The following TENM3 variants were observed in gnomAD, a reference collection of about 807,000 sequenced individuals.
The protein encoded by TENM3 is teneurin transmembrane protein 3.
In TENM3, 63 loss-of-function variants were observed where a neutral mutation model predicts 255.1. The ratio of observed to expected loss-of-function variants is 0.25; its 90% CI spans 0.20 to 0.30. The LOEUF (loss-of-function observed/expected upper bound fraction) is 0.30. Among genes scored for constraint, TENM3 ranks in the 10% least tolerant of loss-of-function variants. The probability of loss-of-function intolerance (pLI) is 1.00; values close to 1 mark genes in which losing one functional copy is unlikely to be tolerated. For synonymous variants in TENM3, 1,306 were observed against 1,322.3 expected (o/e 0.99, Z 0.27); for missense variants, 2,929 against 3,461.1 (o/e 0.85, Z 3.86).
At chr4:181,478,985 C>T in the TENM3 span, among the ~76,000 whole-genome samples, 3,983 of 152,272 alleles carry the variant, frequency 0.026, 165 homozygotes, top group African/African-American at 0.091. Context: ...AAGTTTTTCT[C>T]TTCTAGATTT....
At chr4:182,425,108 G>GA (rs939452599) in intron 3 of TENM3, among the ~76,000 whole-genome samples, 2 of 152,202 alleles carry the variant, frequency 1.3e-5, no homozygotes, top group South Asian at 2.1e-4. Flanking sequence ...ATAGTCCAAG[G>GA]AAAAAACTAT....
the TENM3 span, among the ~76,000 whole-genome samples, chr4:181,744,693 A>G: frequency 6.6e-6 from 1 of 152,204 alleles, no homozygotes; most frequent in Admixed American, 6.6e-5. Flanking sequence ...TGGTAGAGGA[A>G]GAACTGGTCC....
At chr4:182,780,213 A>G (rs1394079953) in intron 24 of TENM3, among the ~76,000 whole-genome samples, 3 of 150,964 alleles carry the variant, frequency 2.0e-5, no homozygotes, top group Non-Finnish European at 4.4e-5. Flanking sequence ...TCTTTAATCC[A>G]TCTTGAATTG....
At chr4:181,818,277 A>G in the TENM3 span, among the ~76,000 whole-genome samples, 1 of 152,190 alleles carries the variant, frequency 6.6e-6, no homozygotes, top group African/African-American at 2.4e-5. Context: ...GTTAACTTGA[A>G]GTACGGGAGA....
chr4:181,787,733 C>T, the TENM3 span, among the ~76,000 whole-genome samples: 1 of 152,120 alleles, frequency 6.6e-6, no homozygotes, highest in Non-Finnish European at 1.5e-5. Context: ...TCTGAATCCA[C>T]CTATTACCTA....
chr4:181,631,966 A>C, the TENM3 span, among the ~76,000 whole-genome samples: 1 of 152,194 alleles, frequency 6.6e-6, no homozygotes, highest in Non-Finnish European at 1.5e-5. Context: ...ATTAGAGCAC[A>C]AAAAATGCCA....
the TENM3 span, among the ~76,000 whole-genome samples, chr4:181,944,221 G>A: frequency 6.6e-6 from 1 of 150,648 alleles, no homozygotes; most frequent in African/African-American, 2.5e-5. Context: ...CAGGAAAGCT[G>A]GTGGTGCAAT....
At chr4:181,643,690 A>G in the TENM3 span, among the ~76,000 whole-genome samples, 1,331 of 152,294 alleles carry the variant, frequency 8.7e-3, 24 homozygotes, top group African/African-American at 0.03. Context: ...AACATTAGTA[A>G]GATAAAGAAC....
At chr4:182,525,170 G>A (rs185851373) in intron 3 of TENM3, among the ~76,000 whole-genome samples, 1 of 152,334 alleles carries the variant, frequency 6.6e-6, no homozygotes, top group East Asian at 1.9e-4. Context: ...CCGATTCCCT[G>A]CCTCTGCCTT....
intron 3 of TENM3, among the ~76,000 whole-genome samples, chr4:182,484,322 C>T (rs1308892803): frequency 6.6e-6 from 1 of 152,096 alleles, no homozygotes; most frequent in Non-Finnish European, 1.5e-5. Context: ...GGATTTGAAC[C>T]CAGGCAGTGT....
intron 13 of TENM3, among the ~76,000 whole-genome samples, chr4:182,715,914 C>T (rs759038819): frequency 6.6e-6 from 1 of 152,206 alleles, no homozygotes; most frequent in Non-Finnish European, 1.5e-5. Context: ...CTTGGACAGT[C>T]AAGAAACTTG....
intron 1 of TENM3, among the ~76,000 whole-genome samples, chr4:182,198,570 A>G (rs1169062093): frequency 1.3e-5 from 2 of 152,244 alleles, no homozygotes; most frequent in Non-Finnish European, 2.9e-5. Context: ...GACAAATATC[A>G]TAACACCTAA....
Position 182,793,377 on chromosome 4 carries a change from T to G in TENM3, c.6705T>G (p.Arg2235=). 1 of 1,613,892 alleles carries G rather than the reference T, an allele frequency of 6.2e-7. No homozygotes were observed. Among genetic ancestry groups the G allele is most frequent in the Non-Finnish European group, 8.5e-7 (1 of 1,179,802 alleles). ...VIYRYDGLGR[R]VSSKTSLGQH... ...ACCGTTATGACGGCCTGGGAAGGCGTGTTTCTAGCAAAACCAGTCTAGGAC... is the reference window on the plus strand; with the variant it reads ...ACCGTTATGACGGCCTGGGAAGGCGGGTTTCTAGCAAAACCAGTCTAGGAC... The change falls in exon 26 of 28, where the codon CGT becomes CGG. Residue 2235 remains arginine, a synonymous_variant. Coordinates refer to ENST00000511685, the MANE Select transcript of TENM3 (RefSeq NM_001080477.4). This position sits in a 1 kb window ranked among gnomAD's most constrained non-coding sequence, Gnocchi z 5.7.
chr4:181,916,321 C>T, the TENM3 span, among the ~76,000 whole-genome samples: 1 of 152,318 alleles, frequency 6.6e-6, no homozygotes, highest in Non-Finnish European at 1.5e-5. Flanking sequence ...TGGATCATTA[C>T]TTGTTTAATG....
chr4:182,635,248 C>CA, intron 5 of TENM3, among the ~76,000 whole-genome samples: 1 of 152,324 alleles, frequency 6.6e-6, no homozygotes, highest in Non-Finnish European at 1.5e-5. Flanking sequence ...CATTTGACAA[C>CA]AGAGTGTTTT....
the TENM3 span, among the ~76,000 whole-genome samples, chr4:181,778,527 G>A: frequency 8.5e-5 from 13 of 152,106 alleles, no homozygotes; most frequent in Non-Finnish European, 1.5e-4. Context: ...AGATCCCGCC[G>A]TGTTTCCCTG....
rs1579566105 is a variant in TENM3, at chr4:182,800,336, G to A, written c.8085G>A (p.Glu2695=). The change falls in exon 28 of 28, where the codon GAG becomes GAA. Residue 2695 remains glutamate (E), a synonymous_variant. Transcript: ENST00000511685. ...ANNIQFLRQS[E]IGRR The stretch of plus-strand genomic sequence containing the variant: ...ACATCCAGTTCCTGCGGCAGAGCGA[G>A]ATCGGCAGGAGGTAACGCCCGGGCC... The A allele has an allele frequency of 6.3e-7, 1 of 1,583,270 alleles. No homozygotes were observed. Among genetic ancestry groups the A allele is most frequent in the East Asian group, 2.3e-5 (1 of 43,924 alleles).
chr4:181,823,614 T>A, the TENM3 span, among the ~76,000 whole-genome samples: 1 of 152,280 alleles, frequency 6.6e-6, no homozygotes, highest in African/African-American at 2.4e-5. Flanking sequence ...GTAATCACAA[T>A]ATTTCTTGCC....
intron 3 of TENM3, among the ~76,000 whole-genome samples, chr4:182,490,529 T>C (rs1157480405): frequency 6.6e-6 from 1 of 152,132 alleles, no homozygotes; most frequent in Non-Finnish European, 1.5e-5. Context: ...CATATTGTAG[T>C]GCGTGCATAC....
Sources: gnomAD v4.1 joint callset for allele counts (sites outside exome capture counted in the v4.1 genomes callset) on GRCh38, gnomAD v4.1.1 for gene constraint, Gnocchi (gnomAD v3.1) non-coding constraint, MANE v1.5 for transcripts, NCBI Gene and HGNC (gene_info 2026-07-23, HGNC 2026-07-21) for gene names.